Variants in FRMPD4 observed in about 807,000 individuals in gnomAD.
The protein encoded by FRMPD4 is FERM and PDZ domain containing 4, also known as FERM and PDZ domain-containing protein 4.
Under a neutral mutation model 94.1 loss-of-function variants are expected in FRMPD4, and 22 were observed. The observed-to-expected ratio is 0.23, with a 90% CI of 0.17 to 0.33. FRMPD4 has a LOEUF of 0.33. Among genes scored for constraint, FRMPD4 ranks in the 10% least tolerant of loss-of-function variants. The probability of loss-of-function intolerance (pLI) is 1.00; values close to 1 mark genes in which losing one functional copy is unlikely to be tolerated. For missense variants in FRMPD4, 1,111 were observed against 1,339.9 expected (o/e 0.83, Z 2.67); for synonymous variants, 631 against 548.6 (o/e 1.15, Z -2.10).
chrX:12,711,688 C>A (rs1191382452), intron 14 of FRMPD4, among the ~76,000 whole-genome samples: 1 of 110,724 alleles, frequency 9.0e-6, no homozygotes, highest in Non-Finnish European at 1.9e-5. Context: ...ATTGGGGTTT[C>A]TTTTAAAAGA....
At chrX:11,995,325 A>G (rs1217997436) in intron 3 of FRMPD4, among the ~76,000 whole-genome samples, 1 of 111,673 alleles carries the variant, frequency 9.0e-6, no homozygotes, top group East Asian at 2.8e-4. Flanking sequence ...ACAGTGACAT[A>G]CTGTAGCATC....
At chrX:11,927,343 A>G (rs758787853) in intron 3 of FRMPD4, among the ~76,000 whole-genome samples, 58 of 112,181 alleles carry the variant, frequency 5.2e-4, no homozygotes, top group Non-Finnish European at 8.1e-4. Flanking sequence ...TATACATTCA[A>G]TGCTATTCCT....
At chrX:12,483,147 G>C (rs188424419) in intron 1 of FRMPD4, among the ~76,000 whole-genome samples, 1 of 112,191 alleles carries the variant, frequency 8.9e-6, no homozygotes, top group East Asian at 2.8e-4. Flanking sequence ...GAGGAAGTTA[G>C]GCAGAGGAGT....
chrX:12,048,810 A>T (rs2054800325), intron 3 of FRMPD4, among the ~76,000 whole-genome samples: 1 of 111,145 alleles, frequency 9.0e-6, no homozygotes, highest in Admixed American at 9.6e-5. Context: ...GTGTGACATT[A>T]TTTCTGGATT....
At chrX:12,397,833 A>T (rs1197069996) in intron 1 of FRMPD4, among the ~76,000 whole-genome samples, 1 of 112,029 alleles carries the variant, frequency 8.9e-6, no homozygotes, top group South Asian at 3.8e-4. Context: ...CAATAATAAC[A>T]CAATGTAATA....
At chrX:12,320,509 A>G (rs900342862) in intron 1 of FRMPD4, among the ~76,000 whole-genome samples, 1 of 112,021 alleles carries the variant, frequency 8.9e-6, no homozygotes, top group Admixed American at 9.5e-5. Context: ...TCCTTGCTTG[A>G]GGAAAACTTC....
intron 3 of FRMPD4, among the ~76,000 whole-genome samples, chrX:12,071,194 C>T (rs1035079434): frequency 9.1e-6 from 1 of 110,497 alleles, no homozygotes; most frequent in African/African-American, 3.3e-5. Context: ...CTCCTGGCTT[C>T]GTCATTCCTA....
At chrX:12,524,952 G>A (rs750466371) in intron 2 of FRMPD4, among the ~76,000 whole-genome samples, 2 of 111,368 alleles carry the variant, frequency 1.8e-5, no homozygotes, top group Non-Finnish European at 3.8e-5. Flanking sequence ...AATGTTTTGC[G>A]ATTCTTTTTT....
At chrX:12,232,590 T>C (rs1452918641) in intron 1 of FRMPD4, among the ~76,000 whole-genome samples, 1 of 110,821 alleles carries the variant, frequency 9.0e-6, no homozygotes, top group Non-Finnish European at 1.9e-5. Context: ...CAGTCCTCAG[T>C]AGAACATACT....
intron 1 of FRMPD4, among the ~76,000 whole-genome samples, chrX:12,297,187 G>T (rs753344912): frequency 8.9e-6 from 1 of 112,950 alleles, no homozygotes; most frequent in South Asian, 3.6e-4. Context: ...GAGCTAAGAA[G>T]CTCCTACTGT....
intron 3 of FRMPD4, among the ~76,000 whole-genome samples, chrX:12,094,754 A>T (rs771630869): frequency 3.7e-4 from 42 of 112,551 alleles, no homozygotes; most frequent in African/African-American, 1.4e-3. Context: ...ACCTACTAGC[A>T]TTGTTGCATA....
intron 2 of FRMPD4, among the ~76,000 whole-genome samples, chrX:12,563,475 A>G (rs568745033): frequency 1.3e-4 from 15 of 111,720 alleles, no homozygotes; most frequent in Non-Finnish European, 2.1e-4. Context: ...CATAAACACA[A>G]ATTCTCTCTG....
intron 4 of FRMPD4, among the ~76,000 whole-genome samples, chrX:12,638,771 A>G (rs1272033206): frequency 1.8e-5 from 2 of 111,281 alleles, no homozygotes; most frequent in African/African-American, 6.5e-5. Flanking sequence ...GTTAGTATTA[A>G]TACCTATAAG....
intron 1 of FRMPD4, among the ~76,000 whole-genome samples, chrX:12,387,905 T>C (rs1056744156): frequency 7.3e-5 from 8 of 109,194 alleles, no homozygotes; most frequent in African/African-American, 2.0e-4. Context: ...TAATTGGCCA[T>C]TGACCACCTC....
chrX:12,286,238 T>A (rs1457857809), intron 1 of FRMPD4, among the ~76,000 whole-genome samples: 1 of 110,998 alleles, frequency 9.0e-6, no homozygotes, highest in African/African-American at 3.3e-5. Flanking sequence ...TTTGAGATGA[T>A]TATTTGCATT....
chrX:12,114,254 GTTTC>G (rs1165491325), intron 3 of FRMPD4, among the ~76,000 whole-genome samples: 3 of 110,814 alleles, frequency 2.7e-5, no homozygotes, highest in Non-Finnish European at 3.8e-5. Context: ...ATATTCATCT[GTTTC>G]TTTCTTAAAT....
intron 3 of FRMPD4, among the ~76,000 whole-genome samples, chrX:12,104,178 C>A (rs764868888): frequency 2.7e-5 from 3 of 112,524 alleles, no homozygotes; most frequent in Non-Finnish European, 5.6e-5. Context: ...GAGGGCAGAG[C>A]CCTCGTGACC....
chrX:12,142,802 A>C (rs2055709631), intron 1 of FRMPD4, among the ~76,000 whole-genome samples: 1 of 110,809 alleles, frequency 9.0e-6, no homozygotes, highest in South Asian at 3.9e-4. Flanking sequence ...TCTCTCTCTT[A>C]TTGTCTGGGG....
intron 3 of FRMPD4, among the ~76,000 whole-genome samples, chrX:11,979,091 C>T (rs2054383850): frequency 9.0e-6 from 1 of 111,655 alleles, no homozygotes; most frequent in African/African-American, 3.3e-5. Flanking sequence ...AATAGACTAG[C>T]ACCAGTACTT....
Sources: gnomAD v4.1 joint callset for allele counts (sites outside exome capture counted in the v4.1 genomes callset) on GRCh38, gnomAD v4.1.1 for gene constraint, MANE v1.5 for transcripts, NCBI Gene and HGNC (gene_info 2026-07-23, HGNC 2026-07-21) for gene names.